CDKN3: variants seen among roughly 807,000 people sequenced by gnomAD.
CDKN3 encodes cyclin-dependent kinase inhibitor 3.
In CDKN3, 19 loss-of-function variants were observed where a neutral mutation model predicts 36.1. That is an observed-to-expected ratio of 0.53 (90% CI 0.37 to 0.77). CDKN3 has a LOEUF of 0.77. Among genes scored for constraint, CDKN3 ranks in the 30% least tolerant of loss-of-function variants. The pLI is 0.00. For missense variants in CDKN3, 188 were observed against 248.6 expected, an observed-to-expected ratio of 0.76 and a Z score of 1.64; for synonymous variants, 71 against 85.3, an observed-to-expected ratio of 0.83 and a Z score of 0.92.
intron 3 of CDKN3, among the ~76,000 whole-genome samples, chr14:54,408,358 G>A (rs1197479669): frequency 6.6e-6 from 1 of 152,200 alleles, no homozygotes; most frequent in Non-Finnish European, 1.5e-5. Flanking sequence ...CAGCACTGGG[G>A]AACACACTTT....
intron 1 of CDKN3, among the ~76,000 whole-genome samples, chr14:54,399,367 C>A (rs867949535): frequency 5.3e-5 from 8 of 152,218 alleles, no homozygotes; most frequent in Non-Finnish European, 1.0e-4. Flanking sequence ...CAGCTACCTA[C>A]GTGGTCACTC....
chr14:54,404,818 CA>C (rs2139972369), intron 3 of CDKN3, among the ~76,000 whole-genome samples: 1 of 79,824 alleles, frequency 1.3e-5, no homozygotes, highest in African/African-American at 7.6e-5. Context: ...CCTCATGATC[CA>C]TCCACCCGCC....
At position 54,407,792 on chromosome 14, in the gene CDKN3, G is replaced by A. The variant is rs1244663142; in HGVS notation, c.149-953G>A. Among the ~76,000 whole-genome samples, 10 of 152,170 alleles carry A rather than the reference G, an allele frequency of 6.6e-5. 1 individual carries two copies. The highest frequency in any genetic ancestry group is 4.6e-4 in the Admixed American group (7 of 15,276). On this transcript the variant is annotated intron_variant, in intron 3 of 7. Transcript: ENST00000335183. Reference sequence around the variant, plus strand: ...TCTTAGCTTGTTGGGCTCCGTTGGGGGTGGGATCCACAGAGCAAGACCACT... The same window carrying A: ...TCTTAGCTTGTTGGGCTCCGTTGGGAGTGGGATCCACAGAGCAAGACCACT...
intron 3 of CDKN3, among the ~76,000 whole-genome samples, chr14:54,403,604 T>C (rs1300737440): frequency 6.6e-6 from 1 of 152,208 alleles, no homozygotes; most frequent in Non-Finnish European, 1.5e-5. Flanking sequence ...GAGAGGGCAT[T>C]CTTGTCTTAT....
intron 5 of CDKN3, chr14:54,413,519 C>G: frequency 2.2e-6 from 2 of 914,966 alleles, no homozygotes; most frequent in Non-Finnish European, 3.4e-6. Flanking sequence ...ACAGGATAGA[C>G]AGTAGATGGG....
chr14:54,415,946 C>A lies in CDKN3; in HGVS notation c.448+16C>A. 6.4e-7 allele frequency: 1 copy of A among 1,566,082 alleles called. No individual in the cohort carries two copies. Among genetic ancestry groups the A allele is most frequent in the Non-Finnish European group, 8.8e-7 (1 of 1,137,136 alleles). On this transcript the variant is annotated intron_variant, in intron 6 of 7. Coordinates refer to ENST00000335183, the MANE Select transcript of CDKN3 (RefSeq NM_005192.4). ...TCTTGTCTTGGTAAGAAATATATTTCTATTATTTTTTTAACCGCCAAATAG... is the reference window on the plus strand; with the variant it reads ...TCTTGTCTTGGTAAGAAATATATTTATATTATTTTTTTAACCGCCAAATAG...
At chr14:54,413,539 A>G in intron 5 of CDKN3, 1 of 1,128,482 alleles carries the variant, frequency 8.9e-7, no homozygotes, top group South Asian at 1.3e-5. Flanking sequence ...GTGACTTTGC[A>G]TATGCTGAAT....
intron 5 of CDKN3, chr14:54,412,985 T>G: frequency 4.4e-6 from 2 of 449,804 alleles, no homozygotes; most frequent in Non-Finnish European, 8.9e-6. Context: ...ACTTCTCCTC[T>G]TAAACCTATA....
At chr14:54,402,432 G>A (rs1316017824) in intron 3 of CDKN3, among the ~76,000 whole-genome samples, 1 of 151,940 alleles carries the variant, frequency 6.6e-6, no homozygotes, top group African/African-American at 2.4e-5. Context: ...TAAGTTCCTT[G>A]TAGATTCTGG....
At chr14:54,412,735 A>G (rs187271642) in intron 5 of CDKN3, 174 of 365,044 alleles carry the variant, frequency 4.8e-4, no homozygotes, top group Admixed American at 8.8e-4. Flanking sequence ...CCGGAAGTGA[A>G]ACACACAAAG....
chr14:54,415,778 C>T (rs1226243600), intron 5 of CDKN3, 121 bp from the exon 6 acceptor site: 5 of 747,124 alleles, frequency 6.7e-6, no homozygotes, highest in East Asian at 2.5e-5. Flanking sequence ...TATTAATCTT[C>T]GTGTGCAAGG....
At chr14:54,412,524 A>G (rs2030394199) in intron 5 of CDKN3, among the ~76,000 whole-genome samples, 1 of 152,226 alleles carries the variant, frequency 6.6e-6, no homozygotes, top group Admixed American at 6.5e-5. Context: ...AGGGCCTCTC[A>G]TTGTGTGTCA....
chr14:54,405,967 G>A (rs2030141087), intron 3 of CDKN3, among the ~76,000 whole-genome samples: 1 of 152,148 alleles, frequency 6.6e-6, no homozygotes, highest in Non-Finnish European at 1.5e-5. Flanking sequence ...TTTTTGCAGT[G>A]GCTCATACCA....
chr14:54,403,442 T>A (rs1594600509), intron 3 of CDKN3, among the ~76,000 whole-genome samples: 2 of 151,950 alleles, frequency 1.3e-5, no homozygotes, highest in Admixed American at 1.3e-4. Flanking sequence ...AGCTTTGGGC[T>A]GAGACAATGA....
chr14:54,408,526 T>A, intron 3 of CDKN3: 1 of 497,524 alleles, frequency 2.0e-6, no homozygotes, highest in Non-Finnish European at 3.3e-6. Flanking sequence ...CAGGTACTTG[T>A]TACAGAAGAA....
chr14:54,397,152 C>T (rs1368273871), intron 1 of CDKN3, 75 bp downstream of exon 1: 5 of 1,390,520 alleles, frequency 3.6e-6, no homozygotes, highest in East Asian at 3.0e-5. Context: ...CGATCCTGGG[C>T]CGGAGGGCAG....
At chr14:54,413,836 C>T (rs1027503873) in intron 5 of CDKN3, 1 of 1,395,976 alleles carries the variant, frequency 7.2e-7, no homozygotes, top group Middle Eastern at 2.4e-4. Flanking sequence ...TTTGTAGTTT[C>T]TTGGGGCTAT....
At chr14:54,412,350 A>G (rs1296419320) in intron 5 of CDKN3, among the ~76,000 whole-genome samples, 1 of 151,298 alleles carries the variant, frequency 6.6e-6, no homozygotes, top group Non-Finnish European at 1.5e-5. Flanking sequence ...ACAGTACTGC[A>G]CTCCAGCCTG....
chr14:54,412,383 G>GAAA (rs776748096), intron 5 of CDKN3, among the ~76,000 whole-genome samples: 1 of 67,562 alleles, frequency 1.5e-5, no homozygotes, highest in African/African-American at 5.3e-5. Flanking sequence ...ACCCCATCTA[G>GAAA]AAAAAAAAAA....
Sources: allele counts gnomAD v4.1 joint callset (sites outside exome capture counted in the v4.1 genomes callset), GRCh38; gene constraint gnomAD v4.1.1; transcripts MANE v1.5; gene names NCBI Gene and HGNC (gene_info 2026-07-23, HGNC 2026-07-21).